Variants in AGAP1 observed in about 807,000 individuals in gnomAD.
AGAP1 encodes ArfGAP with GTPase domain, ankyrin repeat and PH domain 1.
Under a neutral mutation model 105.3 loss-of-function variants are expected in AGAP1, and 29 were observed. The ratio of observed to expected loss-of-function variants is 0.28; its 90% CI spans 0.21 to 0.38. AGAP1 has a LOEUF of 0.38. AGAP1 is among the 10% of genes least tolerant of loss of function. The pLI is 1.00. For missense variants in AGAP1, 998 were observed against 1,165.1 expected, an observed-to-expected ratio of 0.86 and a Z score of 2.09; for synonymous variants, 509 against 485.9, an observed-to-expected ratio of 1.05 and a Z score of -0.63.
At position 235,905,691 on chromosome 2, in the gene AGAP1, A is replaced by G. The variant is rs868775629; in HGVS notation, c.1156-3047A>G. Among the ~76,000 whole-genome samples the G allele has an allele frequency of 5.1e-4, 78 of 152,132 alleles. No homozygotes were observed. Among genetic ancestry groups the G allele is most frequent in the Middle Eastern group, 3.4e-3 (1 of 294 alleles). On this transcript the variant is annotated intron_variant, in intron 10 of 17. Transcript: ENST00000304032. This position sits in a 1 kb window ranked among gnomAD's most constrained non-coding sequence, Gnocchi z 4.2. ...ATTTTGTATTTTTAGTAGAGCAGGC[A>G]TTTCACCGTGTTGGCTAGGCTGGTC...
At chr2:235,765,760 T>C (rs2675134) in intron 6 of AGAP1, among the ~76,000 whole-genome samples, 42,605 of 152,086 alleles carry the variant, frequency 0.28, 6,295 homozygotes, top group Admixed American at 0.41. Flanking sequence ...CAGAAAACTC[T>C]CTCATTCAAC....
intron 2 of AGAP1, among the ~76,000 whole-genome samples, chr2:235,715,512 G>A (rs1372947596): frequency 6.6e-6 from 1 of 152,180 alleles, no homozygotes; most frequent in East Asian, 1.9e-4. Flanking sequence ...TGTTCTTGCG[G>A]CAAGTTCATG....
chr2:235,636,744 C>T (rs1347153958), intron 1 of AGAP1, among the ~76,000 whole-genome samples: 4 of 152,080 alleles, frequency 2.6e-5, no homozygotes, highest in Non-Finnish European at 4.4e-5. Context: ...TGAATGTGAT[C>T]GTCTCTCAGA....
intron 1 of AGAP1, among the ~76,000 whole-genome samples, chr2:235,520,662 A>T (rs984616974): frequency 6.6e-6 from 1 of 151,616 alleles, no homozygotes; most frequent in African/African-American, 2.4e-5. Flanking sequence ...TTCTCTCATT[A>T]TTTTTTTTGC....
At chr2:235,500,958 C>A (rs1350722622) in intron 1 of AGAP1, among the ~76,000 whole-genome samples, 1 of 152,166 alleles carries the variant, frequency 6.6e-6, no homozygotes, top group Admixed American at 6.5e-5. Context: ...CACCCTCCCC[C>A]AAACAACCAC....
chr2:235,504,277 C>G (rs913975592), intron 1 of AGAP1, among the ~76,000 whole-genome samples: 2 of 152,184 alleles, frequency 1.3e-5, no homozygotes, highest in Non-Finnish European at 2.9e-5. Flanking sequence ...TCGTGAGGGT[C>G]GTTAGAAATT....
rs1405451261 is a variant in AGAP1, at chr2:235,893,415, G to A, written c.1155+9966G>A. The stretch of plus-strand genomic sequence containing the variant: ...GGCGTGGGTGTAGCGTGTCTTTGGT[G>A]TGGGTGTGCCGTGTCCATCATAAGG... On this transcript the variant is annotated intron_variant, in intron 10 of 17. Transcript: ENST00000304032. This position sits in a 1 kb window ranked among gnomAD's most constrained non-coding sequence, Gnocchi z 4.7. Among the ~76,000 whole-genome samples, 2 of 150,628 alleles carry A rather than the reference G, an allele frequency of 1.3e-5. No homozygotes were observed. Among genetic ancestry groups the A allele is most frequent in the African/African-American group, 4.9e-5 (2 of 40,858 alleles).
Position 235,723,594 on chromosome 2 carries a change from C to T in AGAP1, c.310+5950C>T, listed in dbSNP as rs1046288265. On this transcript the variant is annotated intron_variant, in intron 3 of 17. Transcript: ENST00000304032. This position sits in a 1 kb window ranked among gnomAD's most constrained non-coding sequence, Gnocchi z 6.2. ...CATCACAGGCACCCTGGGCCATGGG[C>T]CCTCCCGAGCTGTGCAGGTTAGCTT... is the stretch of plus-strand genomic sequence containing the variant. Among the ~76,000 whole-genome samples the T allele has an allele frequency of 6.6e-6, 1 of 152,190 alleles. No homozygotes were observed. The highest frequency in any genetic ancestry group is 2.4e-5 in the African/African-American group (1 of 41,458).
chr2:235,807,807 G>C (rs1462479914), intron 9 of AGAP1, among the ~76,000 whole-genome samples: 1 of 152,182 alleles, frequency 6.6e-6, no homozygotes, highest in Non-Finnish European at 1.5e-5. Context: ...TGTGTCAGCT[G>C]TGCGCTCTTG....
intron 9 of AGAP1, chr2:235,853,263 C>A: frequency 1.0e-6 from 1 of 979,366 alleles, no homozygotes; most frequent in Non-Finnish European, 1.2e-6. Flanking sequence ...TAAAATGGCT[C>A]CCCCTACTCT....
chr2:236,110,744 G>C (rs749715576), intron 16 of AGAP1, among the ~76,000 whole-genome samples: 1 of 152,166 alleles, frequency 6.6e-6, no homozygotes, highest in African/African-American at 2.4e-5. Flanking sequence ...GGCTCATGTA[G>C]CATTGTAAAT....
rs371448245 is a variant in AGAP1, at chr2:235,635,973, C to A, written c.164-73206C>A. 7.8e-4 allele frequency among the ~76,000 whole-genome samples: 119 copies of A among 151,992 alleles called. No individual in the cohort carries two copies. Among genetic ancestry groups the A allele is most frequent in the African/African-American group, 2.2e-3 (91 of 41,454 alleles). Reference sequence around the variant, plus strand: ...ACTAAAACTACAAAAATGAGCTGGGCATGGGGGTGCATGCCTGTAATCCCA... The same window carrying A: ...ACTAAAACTACAAAAATGAGCTGGGAATGGGGGTGCATGCCTGTAATCCCA... On this transcript the variant is annotated intron_variant, in intron 1 of 17. Transcript: ENST00000304032. The surrounding 1 kb of genome is among the most constrained non-coding windows in gnomAD (Gnocchi z 5.3).
chr2:235,969,988 C>T (rs1231740948), intron 13 of AGAP1, among the ~76,000 whole-genome samples: 3 of 151,934 alleles, frequency 2.0e-5, no homozygotes, highest in African/African-American at 4.8e-5. Context: ...GATCACCTGA[C>T]GTCAGGAGTT....
Position 235,888,705 on chromosome 2 carries a change from T to TAA in AGAP1, c.1155+5270_1155+5271dup, listed in dbSNP as rs10681734. Reference sequence around the variant, plus strand: ...GGGCGACCATGCAAGACCCTGTCTTTAAAAAAAAAAAAAAAGTTGATAGAG... The same window carrying TAA: ...GGGCGACCATGCAAGACCCTGTCTTTAAAAAAAAAAAAAAAAAGTTGATAGAG... On this transcript the variant is annotated intron_variant, in intron 10 of 17. Coordinates refer to ENST00000304032, the MANE Select transcript of AGAP1 (RefSeq NM_001037131.3). This position sits in a 1 kb window ranked among gnomAD's most constrained non-coding sequence, Gnocchi z 4.8. 0.045 allele frequency among the ~76,000 whole-genome samples: 6,358 copies of TAA among 142,262 alleles called. 331 individuals are homozygous for TAA. The highest frequency in any genetic ancestry group is 0.13 in the African/African-American group (4,949 of 38,948). 93.3% of individuals were successfully genotyped at this position (142,262 alleles called of 152,430 possible). A position where few individuals can be genotyped will look rare whatever the true frequency, so the allele number is the denominator to read the frequency against.
intron 1 of AGAP1, among the ~76,000 whole-genome samples, chr2:235,522,643 A>G (rs1205536129): frequency 6.6e-6 from 1 of 152,084 alleles, no homozygotes; most frequent in Non-Finnish European, 1.5e-5. Flanking sequence ...GGACGGGGTG[A>G]TGCCGATGAA....
At chr2:235,645,248 G>A (rs1559310973) in intron 1 of AGAP1, among the ~76,000 whole-genome samples, 1 of 152,118 alleles carries the variant, frequency 6.6e-6, no homozygotes, top group Non-Finnish European at 1.5e-5. Flanking sequence ...GACAAACAAA[G>A]TAGAATTACA....
intron 12 of AGAP1, among the ~76,000 whole-genome samples, chr2:235,948,310 G>A (rs1381186907): frequency 2.0e-5 from 3 of 151,616 alleles, no homozygotes; most frequent in East Asian, 1.9e-4. Flanking sequence ...AGCCTCCGGA[G>A]AACCTGGGAC....
intron 6 of AGAP1, among the ~76,000 whole-genome samples, chr2:235,763,685 C>G (rs1336544781): frequency 6.6e-6 from 1 of 152,188 alleles, no homozygotes; most frequent in Non-Finnish European, 1.5e-5. Flanking sequence ...CCTTTTTCTG[C>G]ACCTGGCCAC....
At position 235,966,490 on chromosome 2, in the gene AGAP1, C is replaced by T. The variant is rs545837271; in HGVS notation, c.1484-1972C>T. 1.5e-4 allele frequency among the ~76,000 whole-genome samples: 23 copies of T among 152,246 alleles called. No homozygotes were observed. In the East Asian group the frequency reaches 1.5e-3, roughly 10 times the overall value. ...TACCACCAGGGGACAGTGACCTGTC[C>T]GTGTGCCTCTGCATCTAAGGATGTG... On this transcript the variant is annotated intron_variant, in intron 12 of 17. Transcript: ENST00000304032.
Sources: allele counts gnomAD v4.1 joint callset (sites outside exome capture counted in the v4.1 genomes callset), GRCh38; gene constraint gnomAD v4.1.1; non-coding constraint Gnocchi (gnomAD v3.1); transcripts MANE v1.5; gene names NCBI Gene and HGNC (gene_info 2026-07-23, HGNC 2026-07-21).